PLOD1: variants seen among roughly 807,000 people sequenced by gnomAD.
PLOD1 encodes lysine hydroxylase.
A neutral mutation model predicts 94.7 loss-of-function variants in PLOD1; 70 were observed. That is an observed-to-expected ratio of 0.74 (90% CI 0.61 to 0.90). The LOEUF is 0.90. PLOD1 is among the 40% of genes least tolerant of loss of function. The pLI, the probability that PLOD1 is intolerant of heterozygous loss-of-function variation, is 0.00. For missense variants in PLOD1, 905 were observed against 972.7 expected, an observed-to-expected ratio of 0.93 and a Z score of 0.93; for synonymous variants, 417 against 400.2, an observed-to-expected ratio of 1.04 and a Z score of -0.50.
At chr1:11,950,311 C>T (rs1353046638) in intron 3 of PLOD1, 46 bp from the exon 4 acceptor site, 2 of 1,601,796 alleles carry the variant, frequency 1.2e-6, no homozygotes, top group Non-Finnish European at 8.5e-7. Flanking sequence ...CACTGGGCCC[C>T]TGCTCACCCT....
chr1:11,961,494 T>C (rs1645777859), intron 10 of PLOD1, among the ~76,000 whole-genome samples: 1 of 152,224 alleles, frequency 6.6e-6, no homozygotes, highest in African/African-American at 2.4e-5. Context: ...ATCATAAATC[T>C]TTGCAAATTG....
intron 5 of PLOD1, among the ~76,000 whole-genome samples, chr1:11,953,934 A>G (rs973318082): frequency 6.6e-6 from 1 of 151,594 alleles, no homozygotes; most frequent in Non-Finnish European, 1.5e-5. Flanking sequence ...GCAGAAACAT[A>G]GCTCACTGCA....
rs1453522499 is a variant in PLOD1, at chr1:11,947,991, T to G, written c.92T>G (p.Leu31Arg). 1.2e-6 allele frequency: 2 copies of G among 1,612,388 alleles called. No homozygotes were observed. The highest frequency in any genetic ancestry group is 4.5e-5 in the East Asian group (2 of 44,870). The change falls in exon 2 of 19, where the codon CTC becomes CGC. Residue 31 changes from leucine (L) to arginine (R), a missense_variant. By Grantham distance (102) the Leu-to-Arg change is moderately radical (BLOSUM62 -2). Transcript: ENST00000196061. ...DAKPEDNLLV[L>R]TVATKETEGF... is the part of the protein sequence containing the mutation. ...CTGTCTGCAGACAACCTTTTAGTCC[T>G]CACGGTGGCCACTAAGGAGACCGAG...
intron 15 of PLOD1, 38 bp downstream of exon 15, chr1:11,966,354 T>A (rs771345628): frequency 3.4e-6 from 5 of 1,473,526 alleles, no homozygotes; most frequent in Non-Finnish European, 9.4e-7. Flanking sequence ...CAGCCTTGCC[T>A]GCTGCAGGGG....
chr1:11,949,067 T>G (rs1284915050), intron 2 of PLOD1, among the ~76,000 whole-genome samples: 1 of 152,178 alleles, frequency 6.6e-6, no homozygotes, highest in African/African-American at 2.4e-5. Flanking sequence ...GCCTTGTGTT[T>G]CCATCTCTAG....
chr1:11,944,525 CCT>C lies in PLOD1; in HGVS notation c.77-3450_77-3449del, dbSNP rs755023329. On this transcript the variant is annotated intron_variant, in intron 1 of 18. Coordinates refer to ENST00000196061, the MANE Select transcript of PLOD1 (RefSeq NM_000302.4). ...ACACTCTTCCTGTCCCCAGCAGCCCCCTGTTGCCAAGAGGGCCTCAGAGCTGG... is the reference window on the plus strand; with the variant it reads ...ACACTCTTCCTGTCCCCAGCAGCCCCGTTGCCAAGAGGGCCTCAGAGCTGG... The C allele has an allele frequency of 6.0e-6, 8 of 1,343,498 alleles. No individual in the cohort carries two copies. The South Asian group carries it at 7.1e-5, about 12-fold the overall frequency. The allele number at this position is 1,343,498 out of a possible 1,614,324, so 83.2% of individuals were successfully genotyped here. A position where few individuals can be genotyped will look rare whatever the true frequency, so the allele number is the denominator to read the frequency against.
At chr1:11,941,985 CTTT>C (rs34636670) in intron 1 of PLOD1, among the ~76,000 whole-genome samples, 2 of 138,606 alleles carry the variant, frequency 1.4e-5, no homozygotes, top group Non-Finnish European at 3.1e-5. Context: ...TGTGCCCGGC[CTTT>C]TTTTTTTTTT....
At chr1:11,956,861 C>A (rs1470577045) in intron 6 of PLOD1, 56 bp from the exon 7 acceptor site, 2 of 1,216,416 alleles carry the variant, frequency 1.6e-6, no homozygotes, top group East Asian at 4.6e-5. Flanking sequence ...CTGGTTGGAC[C>A]CTGAGCCTGA....
chr1:11,936,480 G>T (rs72640295), intron 1 of PLOD1, among the ~76,000 whole-genome samples: 3,255 of 151,722 alleles, frequency 0.021, 48 homozygotes, highest in Middle Eastern at 0.037. Context: ...AGGATCCCGG[G>T]TTCTTTGGGT....
chr1:11,952,690 C>G lies in PLOD1; in HGVS notation c.534C>G (p.Ser178Arg), dbSNP rs113384442. The G allele has an allele frequency of 6.2e-7, 1 of 1,613,960 alleles. No individual in the cohort carries two copies. Among genetic ancestry groups the G allele is most frequent in the Admixed American group, 1.7e-5 (1 of 60,010 alleles). ...VAEWEGQDSD[S>R]DQLFYTKIFL... ...AGTGGGAGGGCCAGGACAGCGACAG[C>G]GATCAGCTGTTTTACACCAAGATCT... The change falls in exon 5 of 19, where the codon AGC becomes AGG. Residue 178 changes from serine (S) to arginine (R), a missense_variant. Physicochemically the swap from Ser to Arg is moderately radical, Grantham distance 110. Coordinates refer to ENST00000196061, the MANE Select transcript of PLOD1 (RefSeq NM_000302.4).
chr1:11,949,740 CA>C lies in PLOD1; in HGVS notation c.169-29del, dbSNP rs1320981618. 3 of 1,609,282 alleles carry C rather than the reference CA, an allele frequency of 1.9e-6. No individual in the cohort carries two copies. In the African/African-American group the frequency reaches 4.0e-5, roughly 22 times the overall value. The stretch of plus-strand genomic sequence containing the variant: ...CAGCCCTGGAAAAATATTTCTTTAC[CA>C]AAAGCCCGTGTTAAGGGGTGTTTCT... On this transcript the variant is annotated intron_variant, in intron 2 of 18. Coordinates refer to ENST00000196061, the MANE Select transcript of PLOD1 (RefSeq NM_000302.4).
At chr1:11,968,569 A>G (rs1645838494) in intron 16 of PLOD1, among the ~76,000 whole-genome samples, 1 of 148,156 alleles carries the variant, frequency 6.7e-6, no homozygotes, top group Non-Finnish European at 1.5e-5. Flanking sequence ...GCTGGAGTGC[A>G]GTGGCGCCAT....
chr1:11,934,918 C>G (rs1645568039), intron 1 of PLOD1, 63 bp downstream of exon 1: 2 of 1,506,996 alleles, frequency 1.3e-6, no homozygotes, highest in African/African-American at 2.8e-5. Context: ...TGTCGGGCTG[C>G]CTCCCTGGGA....
chr1:11,946,628 G>A (rs1645656360), intron 1 of PLOD1, among the ~76,000 whole-genome samples: 1 of 152,202 alleles, frequency 6.6e-6, no homozygotes, highest in African/African-American at 2.4e-5. Flanking sequence ...ATTGGCCAGA[G>A]AGATCTTCCT....
In PLOD1 at chr1:11,964,189, C is replaced by A. The variant is rs753623016; in HGVS notation, c.1217C>A (p.Pro406Gln). 6.2e-7 allele frequency: 1 copy of A among 1,613,844 alleles called. No individual in the cohort carries two copies. The highest frequency in any genetic ancestry group is 1.1e-5 in the South Asian group (1 of 91,076). The part of the protein sequence containing the change: ...LIQQNKNVIA[P>Q]LMTRHGRLWS... ...CCTTCCCTCAGGAACGTCATTGCCC[C>A]GCTGATGACCCGGCATGGGAGGCTG... The change falls in exon 12 of 19, where the codon CCG becomes CAG. Residue 406 changes from proline (P) to glutamine (Q), a missense_variant. By Grantham distance (76) the Pro-to-Gln change is moderately conservative (BLOSUM62 -1). Coordinates refer to ENST00000196061, the MANE Select transcript of PLOD1 (RefSeq NM_000302.4).
chr1:11,964,369 T>C, intron 12 of PLOD1, 69 bp downstream of exon 12: 1 of 1,476,106 alleles, frequency 6.8e-7, no homozygotes, highest in Non-Finnish European at 9.4e-7. Flanking sequence ...CTTGTGGGGC[T>C]CCCTCCCTAT....
At chr1:11,937,589 G>A (rs1234091661) in intron 1 of PLOD1, among the ~76,000 whole-genome samples, 42 of 152,172 alleles carry the variant, frequency 2.8e-4, no homozygotes, top group Admixed American at 2.8e-3. Context: ...ACCATCCCAG[G>A]AGAGAAACCG....
chr1:11,943,789 A>G (rs1489340780), intron 1 of PLOD1, among the ~76,000 whole-genome samples: 1 of 152,206 alleles, frequency 6.6e-6, no homozygotes, highest in African/African-American at 2.4e-5. Flanking sequence ...TGGGCAGTGC[A>G]TGCATTTAGG....
rs1645894699 is a variant in PLOD1 at position 11,975,057 on chromosome 1, C to T, written c.*249C>T. On this transcript the variant is annotated 3_prime_UTR_variant, in exon 19 of 19. Coordinates refer to ENST00000196061, the MANE Select transcript of PLOD1 (RefSeq NM_000302.4). Reference sequence around the variant, plus strand: ...CTGGAGACACCATTCACTTTTACTGCTTTGTAGTGACTCGTGCTCTCCAAC... The same window carrying T: ...CTGGAGACACCATTCACTTTTACTGTTTTGTAGTGACTCGTGCTCTCCAAC... 1 of 573,572 alleles carries T rather than the reference C, an allele frequency of 1.7e-6. No individual in the cohort carries two copies. The allele number at this position is 573,572 out of a possible 1,614,324, so 35.5% of individuals were successfully genotyped here.
Sources: allele counts gnomAD v4.1 joint callset (sites outside exome capture counted in the v4.1 genomes callset), GRCh38; gene constraint gnomAD v4.1.1; transcripts MANE v1.5; gene names NCBI Gene and HGNC (gene_info 2026-07-23, HGNC 2026-07-21).